TMEM117: variants seen among roughly 807,000 people sequenced by gnomAD.
The protein encoded by TMEM117 is transmembrane protein 117.
In TMEM117, 27 loss-of-function variants were observed where a neutral mutation model predicts 52.4. That is an observed-to-expected ratio of 0.51 (90% confidence interval 0.38 to 0.71). TMEM117 has a LOEUF of 0.71. Ranked by LOEUF, TMEM117 falls within the 30% of genes least tolerant of loss-of-function variation. The probability of loss-of-function intolerance (pLI) is 0.00; values close to 1 mark genes in which losing one functional copy is unlikely to be tolerated. For missense variants in TMEM117, 556 were observed against 630.5 expected (o/e 0.88, Z 1.26); for synonymous variants, 215 against 206.3 (o/e 1.04, Z -0.36).
chr12:43,871,522 G>T (rs190763823), intron 2 of TMEM117, among the ~76,000 whole-genome samples: 3 of 152,288 alleles, frequency 2.0e-5, no homozygotes, highest in Admixed American at 6.5e-5. Context: ...TGCTGTCCAT[G>T]TGTATGTCTT....
chr12:43,943,863 A>G (rs550745739), intron 2 of TMEM117, among the ~76,000 whole-genome samples: 2 of 152,350 alleles, frequency 1.3e-5, no homozygotes, highest in South Asian at 2.1e-4. Flanking sequence ...ACTGTTCGCT[A>G]TGAACCAAAA....
At chr12:43,982,240 T>C (rs914962063) in intron 3 of TMEM117, among the ~76,000 whole-genome samples, 7 of 152,166 alleles carry the variant, frequency 4.6e-5, no homozygotes, top group African/African-American at 1.7e-4. Flanking sequence ...AAACCAGATG[T>C]GTGGGTCAGC....
At chr12:44,273,537 A>G (rs1439082263) in intron 5 of TMEM117, among the ~76,000 whole-genome samples, 3 of 152,032 alleles carry the variant, frequency 2.0e-5, no homozygotes, top group Non-Finnish European at 4.4e-5. Context: ...AGGCCAGTAT[A>G]TCTGATGAAT....
intron 7 of TMEM117, among the ~76,000 whole-genome samples, chr12:44,381,683 A>T (rs542717772): frequency 1.3e-5 from 2 of 152,192 alleles, no homozygotes; most frequent in African/African-American, 4.8e-5. Flanking sequence ...TGTCTGTTCT[A>T]TTTCAGTTTC....
intron 3 of TMEM117, among the ~76,000 whole-genome samples, chr12:44,068,741 AC>A: frequency 6.6e-6 from 1 of 152,340 alleles, no homozygotes; most frequent in South Asian, 2.1e-4. Context: ...TGTGACAGTT[AC>A]CAAAATGTGA....
chr12:43,944,494 A>T, intron 3 of TMEM117, 152 bp downstream of exon 3: 1 of 730,158 alleles, frequency 1.4e-6, no homozygotes, highest in Non-Finnish European at 2.1e-6. Flanking sequence ...CTTACCTAAG[A>T]CATTAACATT....
the TMEM117 span, among the ~76,000 whole-genome samples, chr12:44,398,079 T>G: frequency 6.8e-6 from 1 of 147,370 alleles, no homozygotes; most frequent in Non-Finnish European, 1.5e-5. Context: ...CTGTGGGTGG[T>G]TGTTTTTTTT....
chr12:44,199,151 T>C (rs1051854802), intron 4 of TMEM117, among the ~76,000 whole-genome samples: 2 of 141,922 alleles, frequency 1.4e-5, no homozygotes, highest in African/African-American at 5.5e-5. Flanking sequence ...TAAAGAGTCT[T>C]TCTTCTTGGC....
At chr12:43,917,722 G>A (rs755268372) in intron 2 of TMEM117, among the ~76,000 whole-genome samples, 2 of 152,084 alleles carry the variant, frequency 1.3e-5, no homozygotes, top group Non-Finnish European at 2.9e-5. Flanking sequence ...TCTTTTATAT[G>A]TGTCTAATTT....
the TMEM117 span, among the ~76,000 whole-genome samples, chr12:43,805,352 G>A: frequency 2.0e-5 from 3 of 152,178 alleles, no homozygotes; most frequent in African/African-American, 7.2e-5. Context: ...CGTGCGTGCA[G>A]GGGGATGTGT....
intron 3 of TMEM117, among the ~76,000 whole-genome samples, chr12:43,983,417 G>A (rs754753361): frequency 4.0e-4 from 61 of 152,066 alleles, no homozygotes; most frequent in Admixed American, 3.4e-3. Flanking sequence ...ACAGCGAGGT[G>A]TAATACACTA....
intron 7 of TMEM117, among the ~76,000 whole-genome samples, chr12:44,382,446 T>A (rs887081850): frequency 1.3e-5 from 2 of 152,188 alleles, no homozygotes; most frequent in African/African-American, 4.8e-5. Context: ...AAACTTCTCT[T>A]TTCGTATTTT....
intron 3 of TMEM117, among the ~76,000 whole-genome samples, chr12:44,060,434 A>G (rs1947122299): frequency 6.6e-6 from 1 of 152,156 alleles, no homozygotes; most frequent in African/African-American, 2.4e-5. Context: ...GAGGGCCCTC[A>G]AGAACAGAGG....
At chr12:44,006,563 C>T (rs1295644046) in intron 3 of TMEM117, among the ~76,000 whole-genome samples, 1 of 152,090 alleles carries the variant, frequency 6.6e-6, no homozygotes, top group Non-Finnish European at 1.5e-5. Flanking sequence ...GAGAAGAGGG[C>T]CCAGGTACTC....
At chr12:44,295,365 G>T (rs1018825611) in intron 5 of TMEM117, among the ~76,000 whole-genome samples, 3 of 151,914 alleles carry the variant, frequency 2.0e-5, no homozygotes, top group Non-Finnish European at 4.4e-5. Flanking sequence ...CACTATGCCT[G>T]GCTGAATTTT....
chr12:44,113,923 T>G (rs1036760572), intron 3 of TMEM117, among the ~76,000 whole-genome samples: 1 of 122,308 alleles, frequency 8.2e-6, no homozygotes, highest in African/African-American at 4.0e-5. Flanking sequence ...CGCCGTTTCT[T>G]AAGCCGGTCT....
At chr12:44,049,439 A>T (rs1252821785) in intron 3 of TMEM117, among the ~76,000 whole-genome samples, 1 of 152,024 alleles carries the variant, frequency 6.6e-6, no homozygotes, top group Admixed American at 6.6e-5. Flanking sequence ...GAGGGGAAGG[A>T]ACTTAGAGGA....
chr12:44,082,216 G>A (rs928172487), intron 3 of TMEM117, among the ~76,000 whole-genome samples: 6 of 151,808 alleles, frequency 4.0e-5, no homozygotes, highest in East Asian at 1.9e-4. Context: ...ATCTATGGGC[G>A]TGTAGAAATT....
chr12:44,074,048 A>G (rs578150214), intron 3 of TMEM117, among the ~76,000 whole-genome samples: 196 of 152,340 alleles, frequency 1.3e-3, no homozygotes, highest in African/African-American at 4.3e-3. Context: ...GGTTAACACA[A>G]GAAGTTTTTA....
Sources: allele counts gnomAD v4.1 joint callset (sites outside exome capture counted in the v4.1 genomes callset), GRCh38; gene constraint gnomAD v4.1.1; transcripts MANE v1.5; gene names NCBI Gene and HGNC (gene_info 2026-07-23, HGNC 2026-07-21).